KIAA1671: variants seen among roughly 807,000 people sequenced by gnomAD.
KIAA1671 encodes the protein KIAA1671, also known as uncharacterized protein KIAA1671.
A neutral mutation model predicts 131.2 loss-of-function variants in KIAA1671; 52 were observed. That is an observed-to-expected ratio of 0.40 (90% CI 0.32 to 0.50). The LOEUF (loss-of-function observed/expected upper bound fraction) is 0.50. Among genes scored for constraint, KIAA1671 ranks in the 20% least tolerant of loss-of-function variants. The pLI is 0.73. For synonymous variants in KIAA1671, 1,003 were observed against 961.6 expected (o/e 1.04, Z -0.80); for missense variants, 2,360 against 2,364.2 (o/e 1.00, Z 0.04).
chr22:25,000,781 G>C (rs563979367), intron 1 of KIAA1671, among the ~76,000 whole-genome samples: 2 of 151,480 alleles, frequency 1.3e-5, no homozygotes, highest in African/African-American at 4.8e-5. Flanking sequence ...GCCTCCGGAA[G>C]TGCAAGGATT....
intron 6 of KIAA1671, among the ~76,000 whole-genome samples, chr22:25,147,140 TTATTTTATTTTTTAC>T (rs1293986638): frequency 2.0e-5 from 3 of 151,666 alleles, no homozygotes; most frequent in Non-Finnish European, 4.4e-5. Flanking sequence ...ATGCAGCATT[TTATTTTATTTTTTAC>T]TATTTTATTT....
intron 6 of KIAA1671, among the ~76,000 whole-genome samples, chr22:25,087,711 GA>G (rs1568947784): frequency 6.6e-6 from 1 of 152,244 alleles, no homozygotes; most frequent in East Asian, 1.9e-4. Flanking sequence ...GTGTGGATGT[GA>G]TTTAGTGACA....
At chr22:25,153,947 A>C (rs1039598128) in intron 6 of KIAA1671, among the ~76,000 whole-genome samples, 3 of 152,226 alleles carry the variant, frequency 2.0e-5, no homozygotes, top group Non-Finnish European at 4.4e-5. Flanking sequence ...GTGACCTTCA[A>C]GGTCTGCAGC....
At position 25,146,991 on chromosome 22, in the gene KIAA1671, G is replaced by A. The variant is rs1055571147; in HGVS notation, c.4531-23829G>A. ...CTAACACTTTGTGTGCCTAATCCAT[G>A]TGTGTGTTTGGGAAGCTCCAGGTTT... On this transcript the variant is annotated intron_variant, in intron 6 of 12. Coordinates refer to ENST00000358431, the MANE Select transcript of KIAA1671 (RefSeq NM_001145206.2). 9.2e-5 allele frequency among the ~76,000 whole-genome samples: 14 copies of A among 152,126 alleles called. No homozygotes were observed. The East Asian group carries it at 2.7e-3, about 29-fold the overall frequency.
At chr22:25,021,298 A>T (rs1925651697) in intron 1 of KIAA1671, among the ~76,000 whole-genome samples, 1 of 146,514 alleles carries the variant, frequency 6.8e-6, no homozygotes, top group Non-Finnish European at 1.5e-5. Flanking sequence ...GGCTCAAGTG[A>T]TCCTCCCACC....
At chr22:24,984,448 G>T (rs1292992050) in intron 1 of KIAA1671, among the ~76,000 whole-genome samples, 2 of 152,172 alleles carry the variant, frequency 1.3e-5, no homozygotes, top group Non-Finnish European at 2.9e-5. Context: ...GGTGTCCAGG[G>T]CACGGGAAAT....
intron 5 of KIAA1671, among the ~76,000 whole-genome samples, chr22:25,046,822 C>A (rs1927262102): frequency 6.6e-6 from 1 of 152,104 alleles, no homozygotes. Context: ...AATGACTGGG[C>A]CTCTCTCCAG....
At chr22:25,106,821 G>A (rs563531453) in intron 6 of KIAA1671, among the ~76,000 whole-genome samples, 1 of 152,268 alleles carries the variant, frequency 6.6e-6, no homozygotes, top group Non-Finnish European at 1.5e-5. Context: ...TGCCTCTGGC[G>A]CCAGCATGGC....
intron 6 of KIAA1671, among the ~76,000 whole-genome samples, chr22:25,128,981 C>T (rs533525004): frequency 6.6e-6 from 1 of 152,352 alleles, no homozygotes; most frequent in Admixed American, 6.5e-5. Flanking sequence ...ACTTAACCCT[C>T]ATAATCCTCC....
Position 25,185,029 on chromosome 22 carries a change from G to A in KIAA1671, c.5252G>A (p.Trp1751Ter). The part of the protein sequence containing the change: ...EVDSPGETPS[W>*]APQPKSPKSP... ...GACAGTCCTGGCGAGACCCCCAGCT[G>A]GGCACCCCAACCCAAGAGCCCCAAG... is the stretch of plus-strand genomic sequence containing the variant. The change falls in exon 11 of 13, where the codon TGG becomes TAG. Residue 1751 changes from tryptophan (W) to a stop codon, truncating the protein, a stop_gained. Transcript: ENST00000358431. LOFTEE classifies it high-confidence loss of function. 6.4e-7 allele frequency: 1 copy of A among 1,551,618 alleles called. No homozygotes were observed. The highest frequency in any genetic ancestry group is 8.7e-7 in the Non-Finnish European group (1 of 1,146,966).
intron 6 of KIAA1671, among the ~76,000 whole-genome samples, chr22:25,097,905 A>G (rs1930466380): frequency 6.6e-6 from 1 of 151,996 alleles, no homozygotes; most frequent in Admixed American, 6.6e-5. Flanking sequence ...CCATCTTCCT[A>G]CACTTTTCTT....
At chr22:24,997,842 A>G (rs1274025158) in intron 1 of KIAA1671, among the ~76,000 whole-genome samples, 1 of 152,196 alleles carries the variant, frequency 6.6e-6, no homozygotes, top group Non-Finnish European at 1.5e-5. Flanking sequence ...CAGGTCCCAG[A>G]GAGCATCTTT....
chr22:25,112,153 C>T (rs1444230885), intron 6 of KIAA1671: 1 of 398,800 alleles, frequency 2.5e-6, no homozygotes, highest in African/African-American at 2.1e-5. Context: ...TAACTTCCTT[C>T]TTCCCTCTCC....
chr22:24,993,945 G>A (rs761751791), intron 1 of KIAA1671, among the ~76,000 whole-genome samples: 1 of 152,104 alleles, frequency 6.6e-6, no homozygotes, highest in Non-Finnish European at 1.5e-5. Context: ...GCCGGGCATG[G>A]TAGAGGGCGC....
intron 5 of KIAA1671, among the ~76,000 whole-genome samples, chr22:25,045,093 G>A (rs1479867965): frequency 3.3e-5 from 5 of 152,182 alleles, no homozygotes; most frequent in Non-Finnish European, 5.9e-5. Flanking sequence ...CCCGGGAGGC[G>A]GAGCTTTCAG....
At chr22:25,096,225 A>G (rs1428465368) in intron 6 of KIAA1671, among the ~76,000 whole-genome samples, 1 of 152,202 alleles carries the variant, frequency 6.6e-6, no homozygotes, top group Non-Finnish European at 1.5e-5. Flanking sequence ...CAGAACTCCA[A>G]AAAGTGCTTG....
At chr22:25,035,055 T>TC (rs1926514865) in intron 4 of KIAA1671, among the ~76,000 whole-genome samples, 1 of 113,134 alleles carries the variant, frequency 8.8e-6, no homozygotes, top group African/African-American at 3.7e-5. Context: ...TTTTTTTTTT[T>TC]CTAATTTTTG....
intron 6 of KIAA1671, among the ~76,000 whole-genome samples, chr22:25,098,288 C>CTCCCG (rs1930486763): frequency 2.0e-5 from 3 of 152,192 alleles, no homozygotes; most frequent in South Asian, 4.2e-4. Flanking sequence ...CTTCCATCCC[C>CTCCCG]TCCCCTCCCC....
chr22:24,981,988 A>C (rs1923259180), intron 1 of KIAA1671, among the ~76,000 whole-genome samples: 1 of 152,222 alleles, frequency 6.6e-6, no homozygotes, highest in Non-Finnish European at 1.5e-5. Flanking sequence ...TGCTGCCTGA[A>C]TTACCTGAGG....
Sources: allele counts gnomAD v4.1 joint callset (sites outside exome capture counted in the v4.1 genomes callset), GRCh38; gene constraint gnomAD v4.1.1; transcripts MANE v1.5; gene names NCBI Gene and HGNC (gene_info 2026-07-23, HGNC 2026-07-21).